Variants in CCNT2 observed in about 807,000 individuals in gnomAD.
CCNT2 encodes cyclin T2.
CCNT2 carries 18 observed loss-of-function variants against 70.0 expected under a neutral mutation model. The ratio of observed to expected loss-of-function variants is 0.26; its 90% CI spans 0.18 to 0.38. The LOEUF is 0.38. CCNT2 is among the 10% of genes least tolerant of loss of function. The pLI is 1.00. For missense variants in CCNT2, 734 were observed against 890.2 expected (o/e 0.82, Z 2.23); for synonymous variants, 334 against 313.3 (o/e 1.07, Z -0.70).
chr2:134,947,238 T>A lies in CCNT2; in HGVS notation c.540-498T>A, dbSNP rs75452523. ...GGCATAGATTTACATAGATACGTGT[T>A]TAATTCTCTGCTTCACTAAAGAAAG... is the stretch of plus-strand genomic sequence containing the variant. On this transcript the variant is annotated intron_variant, in intron 6 of 8. Coordinates refer to ENST00000264157, the MANE Select transcript of CCNT2 (RefSeq NM_058241.3). Among the ~76,000 whole-genome samples, 366 of 152,334 alleles carry A rather than the reference T, an allele frequency of 2.4e-3. 1 individual carries two copies. The highest frequency in any genetic ancestry group is 8.3e-3 in the African/African-American group (345 of 41,572).
rs543281341 is a variant in CCNT2, at chr2:134,929,205, A to G, written c.241-7636A>G. Among the ~76,000 whole-genome samples the G allele has an allele frequency of 2.6e-5, 4 of 152,346 alleles. No homozygotes were observed. The East Asian group carries it at 7.7e-4, about 29-fold the overall frequency. On this transcript the variant is annotated intron_variant, in intron 2 of 8. Transcript: ENST00000264157. ...ACTTTTAAATTAACAAATGTGTGAT[A>G]AAGTTACACATGGTTAAGATGCATA...
chr2:134,947,540 G>A (rs1327173182), intron 6 of CCNT2, among the ~76,000 whole-genome samples, 196 bp from the exon 7 acceptor site: 1 of 151,862 alleles, frequency 6.6e-6, no homozygotes, highest in Non-Finnish European at 1.5e-5. Flanking sequence ...GTGAGTGAGG[G>A]GAAATGTTCA....
At chr2:134,951,258 C>A (rs1682476581) in intron 7 of CCNT2, among the ~76,000 whole-genome samples, 3 of 152,038 alleles carry the variant, frequency 2.0e-5, no homozygotes, top group South Asian at 2.1e-4. Context: ...CTTGCTATTA[C>A]AAAATGAACC....
rs771369400 is a variant in CCNT2, at chr2:134,952,591, T to G, written c.704-50T>G. The G allele has an allele frequency of 7.7e-6, 9 of 1,171,982 alleles. No individual in the cohort carries two copies. In the African/African-American group the frequency reaches 1.4e-4, roughly 18 times the overall value. 72.6% of individuals were successfully genotyped at this position (1,171,982 alleles called of 1,614,324 possible). A position where few individuals can be genotyped will look rare whatever the true frequency, so the allele number is the denominator to read the frequency against. ...TTAATACTGCCCACTTAAGAGAAAT[T>G]TAAATCCTAAAGGCACCTTCTAAGT... On this transcript the variant is annotated intron_variant, in intron 7 of 8. Coordinates refer to ENST00000264157, the MANE Select transcript of CCNT2 (RefSeq NM_058241.3).
intron 2 of CCNT2, among the ~76,000 whole-genome samples, chr2:134,932,270 G>T (rs1680836216): frequency 6.6e-6 from 1 of 152,016 alleles, no homozygotes; most frequent in African/African-American, 2.4e-5. Flanking sequence ...CGAAGTGCTG[G>T]GATTACAGGC....
Position 134,953,561 on chromosome 2 carries a change from A to T in CCNT2, c.1106A>T (p.Glu369Val). The part of the protein sequence containing the change: ...RTEQLYSQKQ[E>V]TSLSGSQYNI... ...GAACAGCTATATTCACAGAAACAGG[A>T]GACATCTTTGTCTGGTAGCCAGTAC... Residue 369 changes from glutamate (E) to valine (V), a missense_variant, in exon 9 of 9, where the codon GAG (glutamate) becomes GTG (valine). Glu to Val is a moderately radical substitution (Grantham distance 121). Coordinates refer to ENST00000264157, the MANE Select transcript of CCNT2 (RefSeq NM_058241.3). 1 of 1,614,176 alleles carries T rather than the reference A, an allele frequency of 6.2e-7. No homozygotes were observed. The highest frequency in any genetic ancestry group is 1.1e-5 in the South Asian group (1 of 91,088).
At chr2:134,925,813 T>C (rs1049395777) in intron 2 of CCNT2, among the ~76,000 whole-genome samples, 1 of 151,720 alleles carries the variant, frequency 6.6e-6, no homozygotes, top group African/African-American at 2.4e-5. Flanking sequence ...TGCTGGATCA[T>C]ATGGTAACTC....
rs775260481 is a variant in CCNT2, at chr2:134,953,532, G to A, written c.1077G>A (p.Arg359=). ...GGCCTCAACATCAAGACTCAGCAAG[G>A]ACAGAACAGCTATATTCACAGAAAC... The part of the protein sequence containing the change: ...QEWPQHQDSA[R]TEQLYSQKQE... Residue 359 remains arginine, a synonymous_variant, in exon 9 of 9, where the codon AGG becomes AGA. Coordinates refer to ENST00000264157, the MANE Select transcript of CCNT2 (RefSeq NM_058241.3). 8.7e-6 allele frequency: 14 copies of A among 1,614,058 alleles called. No homozygotes were observed. The South Asian group carries it at 1.5e-4, about 18-fold the overall frequency.
At chr2:134,921,913 C>A (rs1235129625) in intron 2 of CCNT2, among the ~76,000 whole-genome samples, 1 of 152,094 alleles carries the variant, frequency 6.6e-6, no homozygotes, top group Non-Finnish European at 1.5e-5. Flanking sequence ...TAATTGAAAT[C>A]TGTTCATTTC....
At position 134,954,390 on chromosome 2, in the gene CCNT2, T is replaced by TA; in HGVS notation, c.1936dup (p.Ser646LysfsTer7). On this transcript the variant is annotated frameshift_variant, in exon 9 of 9. Transcript: ENST00000264157. LOFTEE classifies it high-confidence loss of function. Reference sequence around the variant, plus strand: ...GTTCCAAAAGTTCAGGTAGTTCATCTAGTTCTTCCTCCTCTGTTAAGCAGT... The same window carrying TA: ...GTTCCAAAAGTTCAGGTAGTTCATCTAAGTTCTTCCTCCTCTGTTAAGCAGT... 1 of 1,614,154 alleles carries TA rather than the reference T, an allele frequency of 6.2e-7. No homozygotes were observed. Among genetic ancestry groups the TA allele is most frequent in the Non-Finnish European group, 8.5e-7 (1 of 1,179,974 alleles).
In CCNT2 at chr2:134,954,712, T is replaced by C. The variant is rs1236149510; in HGVS notation, c.*64T>C. ...TTAAAAATTGTTAGAATGGAAAAAT[T>C]CCTTCTGATCTAGCAGTGGTAACCC... On this transcript the variant is annotated 3_prime_UTR_variant, in exon 9 of 9. Coordinates refer to ENST00000264157, the MANE Select transcript of CCNT2 (RefSeq NM_058241.3). 9.1e-7 allele frequency: 1 copy of C among 1,099,484 alleles called. No individual in the cohort carries two copies. Among genetic ancestry groups the C allele is most frequent in the African/African-American group, 1.6e-5 (1 of 64,216 alleles). The allele number at this position is 1,099,484 out of a possible 1,614,324, so 68.1% of individuals were successfully genotyped here. A position where few individuals can be genotyped will look rare whatever the true frequency, so the allele number is the denominator to read the frequency against.
chr2:134,932,797 TC>T (rs1680873673), intron 2 of CCNT2, among the ~76,000 whole-genome samples: 1 of 152,228 alleles, frequency 6.6e-6, no homozygotes, highest in African/African-American at 2.4e-5. Context: ...TTATTCCACT[TC>T]CTTTGTCAGT....
chr2:134,921,609 C>T (rs1333519967), intron 2 of CCNT2, among the ~76,000 whole-genome samples: 1 of 152,234 alleles, frequency 6.6e-6, no homozygotes, highest in African/African-American at 2.4e-5. Flanking sequence ...CCGCCTCGGC[C>T]TCCCAAAGTG....
In CCNT2 at chr2:134,940,410, TATC is replaced by T. The variant is rs1681491114; in HGVS notation, c.430+1351_430+1353del. Reference sequence around the variant, plus strand: ...ACTATATATAGATATTAGTCTATTTTATCATTTACTGCCATAAAATATACATAA... The same window carrying T: ...ACTATATATAGATATTAGTCTATTTTATTTACTGCCATAAAATATACATAA... On this transcript the variant is annotated intron_variant, in intron 4 of 8. Transcript: ENST00000264157. 2.6e-5 allele frequency among the ~76,000 whole-genome samples: 4 copies of T among 152,232 alleles called. No individual in the cohort carries two copies. The South Asian group carries it at 6.2e-4, about 24-fold the overall frequency.
At chr2:134,935,712 T>G (rs1297552968) in intron 2 of CCNT2, among the ~76,000 whole-genome samples, 1 of 152,194 alleles carries the variant, frequency 6.6e-6, no homozygotes, top group South Asian at 2.1e-4. Flanking sequence ...TATTAACTTT[T>G]GGGGTACATA....
Position 134,919,798 on chromosome 2 carries a change from A to G in CCNT2, c.159-12A>G, listed in dbSNP as rs1679743097. On this transcript the variant is annotated splice_polypyrimidine_tract_variant and intron_variant, in intron 1 of 8. Transcript: ENST00000264157. ...TGCTTTTGTCAGATATTTCCTAAAT[A>G]TTACGTTCCAGCTCTCAGCTTACAA... 6.3e-7 allele frequency: 1 copy of G among 1,594,814 alleles called. No individual in the cohort carries two copies.
chr2:134,940,776 G>A (rs987671917), intron 4 of CCNT2, among the ~76,000 whole-genome samples: 6 of 152,162 alleles, frequency 3.9e-5, no homozygotes, highest in Admixed American at 1.3e-4. Context: ...TTAATACCAT[G>A]GGACCCATAC....
intron 2 of CCNT2, among the ~76,000 whole-genome samples, chr2:134,926,279 A>G (rs186492427): frequency 1.5e-3 from 236 of 152,286 alleles, no homozygotes; most frequent in African/African-American, 5.2e-3. Flanking sequence ...AAGGTGATGT[A>G]CCTTCAGAGT....
Position 134,954,725 on chromosome 2 carries a change from G to A in CCNT2, c.*77G>A, listed in dbSNP as rs575756832. 11 of 932,060 alleles carry A rather than the reference G, an allele frequency of 1.2e-5. No individual in the cohort carries two copies. The East Asian group carries it at 2.7e-4, about 23-fold the overall frequency. The allele number at this position is 932,060 out of a possible 1,614,324, so 57.7% of individuals were successfully genotyped here. Reference sequence around the variant, plus strand: ...GAATGGAAAAATTCCTTCTGATCTAGCAGTGGTAACCCCTGCTGTTGCTGC... The same window carrying A: ...GAATGGAAAAATTCCTTCTGATCTAACAGTGGTAACCCCTGCTGTTGCTGC... On this transcript the variant is annotated 3_prime_UTR_variant, in exon 9 of 9. Transcript: ENST00000264157.
Sources: allele counts gnomAD v4.1 joint callset (sites outside exome capture counted in the v4.1 genomes callset), GRCh38; gene constraint gnomAD v4.1.1; transcripts MANE v1.5; gene names NCBI Gene and HGNC (gene_info 2026-07-23, HGNC 2026-07-21).